ZNF732: variants seen among roughly 807,000 people sequenced by gnomAD.
ZNF732 encodes the protein zinc finger protein LOC654254.
In ZNF732, 12 loss-of-function variants were observed where a neutral mutation model predicts 11.5. The observed-to-expected ratio is 1.05, with a 90% CI of 0.67 to 1.70. The LOEUF (loss-of-function observed/expected upper bound fraction) is 1.70, where lower values mean the gene tolerates loss of function less well. Ranked by LOEUF, ZNF732 falls within the 40% of genes most tolerant of loss-of-function variation. The pLI, the probability that ZNF732 is intolerant of heterozygous loss-of-function variation, is 0.00. For missense variants in ZNF732, 702 were observed against 676.9 expected, an observed-to-expected ratio of 1.04 and a Z score of -0.41; for synonymous variants, 231 against 236.5, an observed-to-expected ratio of 0.98 and a Z score of 0.21.
At chr4:295,402 T>C (rs1553842083) in intron 3 of ZNF732, 36 bp downstream of exon 3, 1 of 1,551,438 alleles carries the variant, frequency 6.4e-7, no homozygotes, top group Non-Finnish European at 8.8e-7. Flanking sequence ...CTTGGTCCCC[T>C]GGCCTGTGTC....
intron 3 of ZNF732, among the ~76,000 whole-genome samples, chr4:278,845 G>A (rs1008275488): frequency 2.0e-5 from 3 of 152,108 alleles, no homozygotes; most frequent in Admixed American, 6.5e-5. Flanking sequence ...GCTGGTGAGT[G>A]TAGTGTCTGA....
intron 1 of ZNF732, among the ~76,000 whole-genome samples, chr4:299,437 A>ATATATATATATACATATGTG (rs1560165207): frequency 5.0e-4 from 6 of 11,914 alleles, no homozygotes; most frequent in Non-Finnish European, 8.2e-4. Flanking sequence ...ACATATGTGT[A>ATATATATATATACATATGTG]TATATATATA....
chr4:288,800 T>A (rs1173026682), intron 3 of ZNF732, among the ~76,000 whole-genome samples: 3 of 152,170 alleles, frequency 2.0e-5, no homozygotes, highest in African/African-American at 7.2e-5. Flanking sequence ...ATGTCTGTAA[T>A]CCCAGCACTT....
At chr4:302,345 A>T (rs1720135159) in intron 1 of ZNF732, among the ~76,000 whole-genome samples, 1 of 152,174 alleles carries the variant, frequency 6.6e-6, no homozygotes, top group Admixed American at 6.5e-5. Context: ...ATTAAACCAA[A>T]ATGTGATGTG....
At chr4:276,530 CAA>C (rs548419857) in intron 3 of ZNF732, among the ~76,000 whole-genome samples, 316 of 151,954 alleles carry the variant, frequency 2.1e-3, no homozygotes, top group African/African-American at 7.3e-3. Flanking sequence ...TCTTAAATCA[CAA>C]AGACATGTTC....
chr4:276,721 A>G (rs116611457), intron 3 of ZNF732, among the ~76,000 whole-genome samples: 34 of 152,062 alleles, frequency 2.2e-4, no homozygotes, highest in African/African-American at 7.7e-4. Flanking sequence ...GAAAGTGGCT[A>G]TACTACTCAA....
intron 3 of ZNF732, among the ~76,000 whole-genome samples, chr4:284,891 A>AAAAAAAAAAAAG (rs782343752): frequency 9.3e-5 from 12 of 129,106 alleles, no homozygotes; most frequent in Admixed American, 2.6e-4. Context: ...AAAAAAAAAA[A>AAAAAAAAAAAAG]AAGAAGAAGA....
At chr4:305,220 C>G in intron 1 of ZNF732, 88 bp downstream of exon 1, 3 of 1,514,010 alleles carry the variant, frequency 2.0e-6, no homozygotes, top group Non-Finnish European at 2.6e-6. Context: ...GCGGAGACTC[C>G]GTTCGCAGAC....
At chr4:281,810 A>G (rs28616744) in intron 3 of ZNF732, among the ~76,000 whole-genome samples, 2,130 of 152,350 alleles carry the variant, frequency 0.014, 58 homozygotes, top group African/African-American at 0.049. Context: ...TCAGGCAAAC[A>G]TAACAGCATG....
chr4:274,240 A>G (rs1719447637), intron 3 of ZNF732, among the ~76,000 whole-genome samples: 1 of 151,752 alleles, frequency 6.6e-6, no homozygotes, highest in African/African-American at 2.4e-5. Context: ...GATTACTGAC[A>G]TCAATAATGA....
At chr4:279,182 T>C (rs1719565103) in intron 3 of ZNF732, among the ~76,000 whole-genome samples, 1 of 151,108 alleles carries the variant, frequency 6.6e-6, no homozygotes, top group African/African-American at 2.4e-5. Context: ...CTCATGCCTA[T>C]AATTCCAGCA....
chr4:299,405 A>ATATATACACATATATACACATGTG (rs1560165089), intron 1 of ZNF732, among the ~76,000 whole-genome samples: 1 of 5,608 alleles, frequency 1.8e-4, no homozygotes, highest in African/African-American at 2.9e-4. Context: ...ACATATGTGT[A>ATATATACACATATATACACATGTG]TATATATATA....
rs1553838009 is a variant in ZNF732 at position 272,560 on chromosome 4, T to A, written c.297A>T (p.Ile99=). ...GTCCACATTTCTCATATCTTCTTAATATAAGTTTGTGGAACGAATCTTCTA... is the reference window on the plus strand; with the variant it reads ...GTCCACATTTCTCATATCTTCTTAAAATAAGTTTGTGGAACGAATCTTCTA... ...QGIEDSFHKL[I]LRRYEKCGHE... is the part of the protein sequence containing the mutation. Residue 99 remains isoleucine (I), a synonymous_variant, in exon 4 of 4, where the codon ATA becomes ATT. Transcript: ENST00000419098. The A allele has an allele frequency of 4.4e-6, 7 of 1,595,524 alleles. No homozygotes were observed. The highest frequency in any genetic ancestry group is 1.1e-5 in the South Asian group (1 of 88,032).
chr4:295,289 C>T, intron 3 of ZNF732, 149 bp downstream of exon 3: 2 of 598,316 alleles, frequency 3.3e-6, no homozygotes, highest in South Asian at 4.9e-5. Flanking sequence ...CAGAAGATGC[C>T]CCTATTCATG....
intron 3 of ZNF732, among the ~76,000 whole-genome samples, chr4:287,984 G>A (rs1410519886): frequency 2.6e-5 from 4 of 151,178 alleles, no homozygotes; most frequent in Non-Finnish European, 4.4e-5. Flanking sequence ...CCTAATTAAT[G>A]CACAACAATA....
rs370305216 is a variant in ZNF732, at chr4:286,932, C to G, written c.226+8506G>C. Among the ~76,000 whole-genome samples, 58 of 152,232 alleles carry G rather than the reference C, an allele frequency of 3.8e-4. 1 individual carries two copies. The East Asian group carries it at 8.7e-3, about 23-fold the overall frequency. On this transcript the variant is annotated intron_variant, in intron 3 of 3. Transcript: ENST00000419098. ...GTTTGGGAGGCCAAGGTGGGCGGAT[C>G]ACGGGGTCAGGAGATCAAGACCATT...
At chr4:297,029 GA>G (rs1412859276) in intron 1 of ZNF732, among the ~76,000 whole-genome samples, 1 of 152,156 alleles carries the variant, frequency 6.6e-6, no homozygotes, top group Non-Finnish European at 1.5e-5. Context: ...CAGCACTTTG[GA>G]AGGCCGTGGT....
intron 1 of ZNF732, among the ~76,000 whole-genome samples, chr4:300,170 T>C (rs782045271): frequency 6.6e-5 from 10 of 151,416 alleles, no homozygotes; most frequent in African/African-American, 1.2e-4. Flanking sequence ...GGTTAATTTA[T>C]AGCCATTTGT....
chr4:303,321 G>A (rs1384138139), intron 1 of ZNF732, among the ~76,000 whole-genome samples: 6 of 152,130 alleles, frequency 3.9e-5, no homozygotes, highest in South Asian at 2.1e-4. Flanking sequence ...TCTCTTGGCC[G>A]CTGGCTAAAT....
Sources: allele counts gnomAD v4.1 joint callset (sites outside exome capture counted in the v4.1 genomes callset), GRCh38; gene constraint gnomAD v4.1.1; transcripts MANE v1.5; gene names NCBI Gene and HGNC (gene_info 2026-07-23, HGNC 2026-07-21).